The following PKHD1L1 variants were observed in gnomAD, a reference collection of about 807,000 sequenced individuals.
The protein encoded by PKHD1L1 is fibrocystin-L.
In PKHD1L1, 434 loss-of-function variants were observed where a neutral mutation model predicts 462.9. That is an observed-to-expected ratio of 0.94 (90% CI 0.87 to 1.02). The LOEUF (loss-of-function observed/expected upper bound fraction) is 1.02. Ranked by LOEUF, PKHD1L1 falls within the 50% of genes least tolerant of loss-of-function variation. The probability of loss-of-function intolerance (pLI) is 0.00; values close to 1 mark genes in which losing one functional copy is unlikely to be tolerated. For missense variants in PKHD1L1, 5,202 were observed against 5,096.1 expected (o/e 1.02, Z -0.63); for synonymous variants, 1,781 against 1,750.0 (o/e 1.02, Z -0.44).
chr8:109,380,514 A>G (rs1244469424), intron 2 of PKHD1L1, among the ~76,000 whole-genome samples: 1 of 152,182 alleles, frequency 6.6e-6, no homozygotes, highest in Non-Finnish European at 1.5e-5. Flanking sequence ...CTAGTGCAGT[A>G]ACTCCGAACT....
intron 72 of PKHD1L1, among the ~76,000 whole-genome samples, chr8:109,515,971 G>T (rs953160366): frequency 1.3e-5 from 2 of 151,708 alleles, no homozygotes; most frequent in Non-Finnish European, 2.9e-5. Context: ...ATAGATGTGT[G>T]TGGTAGATCA....
At chr8:109,491,356 A>G (rs1387532607) in intron 61 of PKHD1L1, among the ~76,000 whole-genome samples, 1 of 151,872 alleles carries the variant, frequency 6.6e-6, no homozygotes, top group Non-Finnish European at 1.5e-5. Context: ...ATATACATTT[A>G]AATAGCCACA....
At position 109,427,081 on chromosome 8, in the gene PKHD1L1, A is replaced by C. The variant is rs368266874; in HGVS notation, c.2925A>C (p.Thr975=). 13 of 1,613,862 alleles carry C rather than the reference A, an allele frequency of 8.1e-6. No homozygotes were observed. In the African/African-American group the frequency reaches 1.2e-4, roughly 15 times the overall value. Residue 975 remains threonine, a synonymous_variant, in exon 25 of 78, where the codon ACA becomes ACC. Transcript: ENST00000378402. ...AGGGAATGGGAAGAATCTCAGTTACACGAGAGGGAACCTGTGCTGGCTACG... is the reference window on the plus strand; with the variant it reads ...AGGGAATGGGAAGAATCTCAGTTACCCGAGAGGGAACCTGTGCTGGCTACG... ...SLEGMGRISV[T]REGTCAGYAW... is the part of the protein sequence containing the mutation.
Position 109,489,912 on chromosome 8 carries a change from G to A in PKHD1L1, c.9881-40G>A. On this transcript the variant is annotated intron_variant, in intron 59 of 77. Coordinates refer to ENST00000378402, the MANE Select transcript of PKHD1L1 (RefSeq NM_177531.6). ...TTTTCAAAAATGTTTTATTCCAACT[G>A]TTTTAAGAAAAACAAATTTTAAATC... The A allele has an allele frequency of 4.6e-6, 6 of 1,293,484 alleles. 1 individual carries two copies. In the South Asian group the frequency reaches 5.1e-5, roughly 11 times the overall value. 80.1% of individuals were successfully genotyped at this position (1,293,484 alleles called of 1,614,324 possible).
In PKHD1L1 at chr8:109,459,605, G is replaced by A. The variant is rs1228852964; in HGVS notation, c.7015G>A (p.Gly2339Arg). 1 of 1,558,972 alleles carries A rather than the reference G, an allele frequency of 6.4e-7. No individual in the cohort carries two copies. Among genetic ancestry groups the A allele is most frequent in the Non-Finnish European group, 8.7e-7 (1 of 1,151,002 alleles). Reference protein sequence around the residue: ...IASTGHRHSQGENEKMTIASV... With the variant: ...IASTGHRHSQRENEKMTIASV... ...TCAAAATTTTTACAGACACAGTCAA[G>A]GAGAGAATGAAAAAATGACCATTGC... Residue 2339 changes from glycine (G) to arginine (R), a missense_variant, in exon 47 of 78, where the codon GGA (glycine) becomes AGA (arginine). By Grantham distance (125) the Gly-to-Arg change is moderately radical. Transcript: ENST00000378402.
rs1332088380 is a variant in PKHD1L1 at position 109,523,334 on chromosome 8, TC to T, written c.12434del (p.Pro4145ArgfsTer33). 6.2e-7 allele frequency: 1 copy of T among 1,613,174 alleles called. No individual in the cohort carries two copies. The highest frequency in any genetic ancestry group is 1.3e-5 in the African/African-American group (1 of 74,830). On this transcript the variant is annotated frameshift_variant, in exon 76 of 78. Coordinates refer to ENST00000378402, the MANE Select transcript of PKHD1L1 (RefSeq NM_177531.6). LOFTEE classifies it high-confidence loss of function. ...ATGGCCTTAGTGGAAATACAACAAT[TC>T]CGTTTAGCAGCTGTTGGGCCAACTA... The part of the protein sequence containing the change: ...VNGLSGNTTI[P>X]FSSCWANYTD...
At chr8:109,494,263 G>T (rs151122319) in intron 63 of PKHD1L1, among the ~76,000 whole-genome samples, 4 of 152,046 alleles carry the variant, frequency 2.6e-5, no homozygotes, top group Non-Finnish European at 5.9e-5. Flanking sequence ...AGGCTGTAGG[G>T]AAAGCGAAAC....
At chr8:109,409,700 T>G (rs1407912898) in intron 18 of PKHD1L1, among the ~76,000 whole-genome samples, 165 bp from the exon 19 acceptor site, 2 of 152,196 alleles carry the variant, frequency 1.3e-5, no homozygotes, top group African/African-American at 4.8e-5. Context: ...ACTAAAATTA[T>G]CACACTAACT....
intron 67 of PKHD1L1, among the ~76,000 whole-genome samples, chr8:109,501,802 T>C (rs1819428819): frequency 6.6e-6 from 1 of 152,224 alleles, no homozygotes; most frequent in Non-Finnish European, 1.5e-5. Flanking sequence ...GTTTTTCAGG[T>C]ACTCTTCTGT....
chr8:109,458,328 T>A (rs1418345007), intron 46 of PKHD1L1, among the ~76,000 whole-genome samples: 1 of 152,132 alleles, frequency 6.6e-6, no homozygotes, highest in African/African-American at 2.4e-5. Flanking sequence ...CTCTCACACC[T>A]GGAATATTAC....
chr8:109,443,107 T>C lies in PKHD1L1; in HGVS notation c.4555T>C (p.Tyr1519His), dbSNP rs750566502. ...HLFVGRSEAT[Y>H]AYGGPENLHL... ...GTTTGTGGGTCGCTCTGAAGCCACA[T>C]ATGCTTATGGTAAGATGGTTAAAGA... Residue 1519 changes from tyrosine to histidine, a missense_variant, in exon 36 of 78, where the codon TAT becomes CAT. Tyr to His is a moderately conservative substitution (Grantham distance 83). Transcript: ENST00000378402. 6.2e-7 allele frequency: 1 copy of C among 1,613,260 alleles called. No homozygotes were observed.
chr8:109,499,279 A>G (rs1344385641), intron 67 of PKHD1L1: 4 of 152,960 alleles, frequency 2.6e-5, no homozygotes, highest in African/African-American at 9.6e-5. Context: ...CACATCAATT[A>G]TTTTCATTTG....
chr8:109,498,372 A>G, intron 65 of PKHD1L1, 90 bp from the exon 66 acceptor site: 1 of 369,036 alleles, frequency 2.7e-6, no homozygotes, highest in Non-Finnish European at 3.9e-6. Context: ...AAGTGCTGGG[A>G]TTACAGGCGT....
At chr8:109,491,186 A>T (rs1818806965) in intron 61 of PKHD1L1, 85 bp downstream of exon 61, 1 of 1,319,802 alleles carries the variant, frequency 7.6e-7, no homozygotes, top group Non-Finnish European at 1.0e-6. Context: ...TGCCCAATTG[A>T]TCTTTCTGTG....
chr8:109,381,261 A>G, intron 2 of PKHD1L1, 109 bp from the exon 3 acceptor site: 1 of 933,430 alleles, frequency 1.1e-6, no homozygotes, highest in Non-Finnish European at 1.6e-6. Flanking sequence ...TCACTGCTTC[A>G]GTAATGTTTA....
chr8:109,369,238 A>G (rs1411389530), intron 2 of PKHD1L1, among the ~76,000 whole-genome samples: 1 of 152,120 alleles, frequency 6.6e-6, no homozygotes, highest in African/African-American at 2.4e-5. Context: ...TGGCCTCCCA[A>G]AGTACTGGGA....
chr8:109,416,587 T>C (rs1048525943), intron 21 of PKHD1L1, among the ~76,000 whole-genome samples: 2 of 152,186 alleles, frequency 1.3e-5, no homozygotes, highest in African/African-American at 4.8e-5. Flanking sequence ...CAATCCTATG[T>C]ATAAAATGGG....
rs1014801482 is a variant in PKHD1L1, at chr8:109,374,907, G to A, written c.164-6463G>A. ...ATGGGCTTCCCTTTGTGGGTAACCCGATCTTTCTCTCTAGCTGCCCTTAAC... is the reference window on the plus strand; with the variant it reads ...ATGGGCTTCCCTTTGTGGGTAACCCAATCTTTCTCTCTAGCTGCCCTTAAC... On this transcript the variant is annotated intron_variant, in intron 2 of 77. Transcript: ENST00000378402. Among the ~76,000 whole-genome samples the A allele has an allele frequency of 7.9e-5, 12 of 152,286 alleles. No homozygotes were observed. The South Asian group carries it at 1.2e-3, about 16-fold the overall frequency.
chr8:109,493,843 T>G (rs1818953704), intron 63 of PKHD1L1, 92 bp downstream of exon 63: 1 of 734,216 alleles, frequency 1.4e-6, no homozygotes, highest in Admixed American at 3.5e-5. Flanking sequence ...ATTCAATATG[T>G]GATGTCTTTT....
Sources: gnomAD v4.1 joint callset for allele counts (sites outside exome capture counted in the v4.1 genomes callset) on GRCh38, gnomAD v4.1.1 for gene constraint, MANE v1.5 for transcripts, NCBI Gene and HGNC (gene_info 2026-07-23, HGNC 2026-07-21) for gene names.